CLCA1: variants seen among roughly 807,000 people sequenced by gnomAD.
The protein encoded by CLCA1 is chloride channel accessory 1, also known as calcium-activated chloride channel regulator 1.
In CLCA1, 59 loss-of-function variants were observed where a neutral mutation model predicts 85.6. That is an observed-to-expected ratio of 0.69 (90% CI 0.56 to 0.86). The LOEUF (loss-of-function observed/expected upper bound fraction) is 0.86. CLCA1 is among the 40% of genes least tolerant of loss of function. The pLI is 0.00. For missense variants in CLCA1, 1,022 were observed against 1,101.4 expected (o/e 0.93, Z 1.02); for synonymous variants, 396 against 398.3 (o/e 0.99, Z 0.07).
chr1:86,486,231 G>C (rs1647966350), intron 6 of CLCA1, among the ~76,000 whole-genome samples: 1 of 152,192 alleles, frequency 6.6e-6, no homozygotes, highest in African/African-American at 2.4e-5. Context: ...TGAGGACACA[G>C]AGCCAAACCG....
At chr1:86,483,560 C>T (rs1021776324) in intron 5 of CLCA1, among the ~76,000 whole-genome samples, 2 of 151,728 alleles carry the variant, frequency 1.3e-5, no homozygotes, top group Non-Finnish European at 2.9e-5. Context: ...GATATAAATA[C>T]TAGCAAGTGT....
intron 4 of CLCA1, among the ~76,000 whole-genome samples, chr1:86,479,623 C>T (rs901961574): frequency 4.6e-5 from 7 of 152,152 alleles, no homozygotes; most frequent in Non-Finnish European, 8.8e-5. Flanking sequence ...CAGTGGCTCA[C>T]GTCTGTAATC....
chr1:86,473,844 C>T lies in CLCA1; in HGVS notation c.419C>T (p.Ala140Val), dbSNP rs897914229. ...ERIHLTPDFI[A>V]GKKLAEYGPQ... ...ATCCACCTCACTCCTGATTTCATTG[C>T]AGGAAAAAAGTTAGCTGAATATGGA... Residue 140 changes from alanine to valine, a missense_variant, in exon 3 of 14, where the codon GCA becomes GTA. Transcript: ENST00000394711. The T allele has an allele frequency of 1.2e-6, 2 of 1,608,294 alleles. No homozygotes were observed. The highest frequency in any genetic ancestry group is 1.7e-4 in the Middle Eastern group (1 of 6,034).
chr1:86,476,348 AC>A, intron 3 of CLCA1, 99 bp from the exon 4 acceptor site: 3 of 608,452 alleles, frequency 4.9e-6, no homozygotes, highest in Non-Finnish European at 9.0e-6. Flanking sequence ...AAAAATTAAC[AC>A]AGCAAAGCAT....
At chr1:86,489,553 C>G (rs1228986048) in intron 8 of CLCA1, among the ~76,000 whole-genome samples, 1 of 152,098 alleles carries the variant, frequency 6.6e-6, no homozygotes, top group Non-Finnish European at 1.5e-5. Context: ...CAATAAAGCA[C>G]AAATAAGGGA....
chr1:86,479,887 AAAAC>A (rs575888913), intron 4 of CLCA1, among the ~76,000 whole-genome samples: 15 of 152,224 alleles, frequency 9.9e-5, no homozygotes, highest in Admixed American at 2.6e-4. Context: ...TCCATCTCAA[AAAAC>A]AAACAAACAA....
intron 3 of CLCA1, among the ~76,000 whole-genome samples, chr1:86,474,637 G>A (rs1647597677): frequency 3.3e-5 from 5 of 151,974 alleles, no homozygotes. Flanking sequence ...GCTCACAGGA[G>A]ATGTTGATTC....
intron 12 of CLCA1, among the ~76,000 whole-genome samples, chr1:86,497,764 G>A (rs1240280430): frequency 6.6e-6 from 1 of 152,170 alleles, no homozygotes. Flanking sequence ...CAGTTGATTA[G>A]TTGCCAAATA....
intron 3 of CLCA1, among the ~76,000 whole-genome samples, chr1:86,474,533 G>C (rs919211410): frequency 6.8e-6 from 1 of 147,906 alleles, no homozygotes; most frequent in Non-Finnish European, 1.5e-5. Context: ...CAGCCTGGGC[G>C]ACAGAGCGAG....
At chr1:86,496,589 T>C (rs745530537) in intron 12 of CLCA1, among the ~76,000 whole-genome samples, 2 of 152,138 alleles carry the variant, frequency 1.3e-5, no homozygotes, top group African/African-American at 2.4e-5. Flanking sequence ...TCTCCTGAGG[T>C]TGGTGTGCGG....
intron 3 of CLCA1, among the ~76,000 whole-genome samples, chr1:86,475,868 G>T (rs1647625031): frequency 1.3e-5 from 2 of 152,172 alleles, no homozygotes; most frequent in African/African-American, 2.4e-5. Context: ...CAGGGACCTT[G>T]TACACCATGT....
chr1:86,489,225 C>A, intron 8 of CLCA1, 55 bp downstream of exon 8: 4 of 1,495,918 alleles, frequency 2.7e-6, no homozygotes, highest in South Asian at 2.4e-5. Context: ...GGACTGTGAG[C>A]TCCAGTGAAC....
intron 5 of CLCA1, among the ~76,000 whole-genome samples, chr1:86,482,884 T>C (rs1462527802): frequency 1.3e-5 from 2 of 152,200 alleles, no homozygotes; most frequent in Non-Finnish European, 2.9e-5. Flanking sequence ...GTTTTAAAAT[T>C]CTTAATTTTT....
At chr1:86,478,680 A>T (rs3765989) in intron 4 of CLCA1, among the ~76,000 whole-genome samples, 38,169 of 152,268 alleles carry the variant, frequency 0.25, 5,866 homozygotes, top group Non-Finnish European at 0.34. Flanking sequence ...GCCTTGGCAG[A>T]AAGGGTGATT....
At chr1:86,482,081 T>A in intron 4 of CLCA1, 124 bp from the exon 5 acceptor site, 1 of 675,144 alleles carries the variant, frequency 1.5e-6, no homozygotes, top group Admixed American at 2.8e-5. Flanking sequence ...TATGATGGGA[T>A]GTCCTTGTTT....
In CLCA1 at chr1:86,486,658, A is replaced by C; in HGVS notation, c.1087A>C (p.Asn363His). The C allele has an allele frequency of 6.2e-7, 1 of 1,614,248 alleles. No homozygotes were observed. Among genetic ancestry groups the C allele is most frequent in the Non-Finnish European group, 8.5e-7 (1 of 1,180,034 alleles). Residue 363 changes from asparagine to histidine, a missense_variant, in exon 7 of 14, where the codon AAC becomes CAC. Transcript: ENST00000394711. ...AHVQNELIQI[N>H]SGSDRDTLAK... ...TGTACAAAATGAACTCATACAGATA[A>C]ACAGTGGCAGTGACAGGGACACACT...
At chr1:86,482,495 G>A in intron 5 of CLCA1, 113 bp downstream of exon 5, 1 of 1,000,654 alleles carries the variant, frequency 1.0e-6, no homozygotes. Context: ...GTGAGCAGTG[G>A]ATTATCTCTG....
At chr1:86,477,657 T>C (rs1179029130) in intron 4 of CLCA1, among the ~76,000 whole-genome samples, 2 of 152,170 alleles carry the variant, frequency 1.3e-5, no homozygotes, top group African/African-American at 4.8e-5. Context: ...GATAGTAAAT[T>C]ACATCTGGCA....
At position 86,485,437 on chromosome 1, in the gene CLCA1, G is replaced by A. The variant is rs745586548; in HGVS notation, c.830G>A (p.Arg277His). The A allele has an allele frequency of 1.4e-5, 22 of 1,614,046 alleles. No individual in the cohort carries two copies. Among genetic ancestry groups the A allele is most frequent in the African/African-American group, 5.3e-5 (4 of 74,934 alleles). ...CTCCGAAGCACATGGGAAGTGATCC[G>A]TGATTCTGAGGACTTTAAGAAAACC... ...CNLRSTWEVI[R>H]DSEDFKKTTP... is the part of the protein sequence containing the mutation. Residue 277 changes from arginine (R) to histidine (H), a missense_variant, in exon 6 of 14, where the codon CGT (arginine) becomes CAT (histidine). By Grantham distance (29) the Arg-to-His change is conservative (BLOSUM62 0). Transcript: ENST00000394711.
Sources: gnomAD v4.1 joint callset for allele counts (sites outside exome capture counted in the v4.1 genomes callset) on GRCh38, gnomAD v4.1.1 for gene constraint, MANE v1.5 for transcripts, NCBI Gene and HGNC (gene_info 2026-07-23, HGNC 2026-07-21) for gene names.